The following ABHD18 variants were observed in gnomAD, a reference collection of about 807,000 sequenced individuals.
ABHD18 encodes the protein abhydrolase domain containing 18, also known as cardiolipin-specific deacylase, mitochondrial.
A neutral mutation model predicts 65.9 loss-of-function variants in ABHD18; 55 were observed. The observed-to-expected ratio is 0.84, with a 90% CI of 0.67 to 1.05. The LOEUF is 1.05. Among genes scored for constraint, ABHD18 ranks in the 50% least tolerant of loss-of-function variants. The probability of loss-of-function intolerance (pLI) is 0.00; values close to 1 mark genes in which losing one functional copy is unlikely to be tolerated. For missense variants in ABHD18, 533 were observed against 558.5 expected, an observed-to-expected ratio of 0.95 and a Z score of 0.46; for synonymous variants, 181 against 180.2, an observed-to-expected ratio of 1.00 and a Z score of -0.04.
intron 1 of ABHD18, among the ~76,000 whole-genome samples, chr4:127,976,109 C>T (rs1232346254): frequency 1.3e-5 from 2 of 152,124 alleles, no homozygotes; most frequent in East Asian, 3.8e-4. Flanking sequence ...TGAACCACCA[C>T]GTCTGGCCTG....
At chr4:127,966,208 A>AG (rs1281362742) in intron 1 of ABHD18, among the ~76,000 whole-genome samples, 8 of 152,322 alleles carry the variant, frequency 5.3e-5, no homozygotes, top group African/African-American at 1.9e-4. Context: ...CTTGTAGGCT[A>AG]GCTGGCGTCA....
intron 3 of ABHD18, among the ~76,000 whole-genome samples, chr4:127,989,466 T>C (rs1750552012): frequency 6.6e-6 from 1 of 152,178 alleles, no homozygotes; most frequent in Non-Finnish European, 1.5e-5. Flanking sequence ...CTTCAGGTGA[T>C]GGATACCCCA....
chr4:128,003,964 A>C (rs1262165665), intron 4 of ABHD18, among the ~76,000 whole-genome samples: 9 of 147,012 alleles, frequency 6.1e-5, no homozygotes, highest in Admixed American at 2.7e-4. Context: ...AAAAAAAAAC[A>C]AAAAAAAACC....
intron 8 of ABHD18, among the ~76,000 whole-genome samples, chr4:128,017,947 C>T (rs1755799788): frequency 1.3e-5 from 2 of 152,112 alleles, no homozygotes; most frequent in South Asian, 2.1e-4. Flanking sequence ...TAATCTTTGT[C>T]TTAACCATTT....
At chr4:128,031,279 C>A (rs1758167823) in intron 12 of ABHD18, 1 of 209,304 alleles carries the variant, frequency 4.8e-6, no homozygotes, top group Non-Finnish European at 8.2e-6. Context: ...ACGGTGAAAC[C>A]CCGTCTCTAG....
chr4:128,008,938 T>A lies in ABHD18; in HGVS notation c.297T>A (p.Pro99=). Residue 99 remains proline (P), a synonymous_variant, in exon 5 of 13, where the codon CCT becomes CCA. Coordinates refer to ENST00000645843, the MANE Select transcript of ABHD18 (RefSeq NM_001358451.3). The part of the protein sequence containing the change: ...SVIARFQFIV[P]KEWNSKYRPV... ...AAAATAGGTTCCAATTTATTGTGCC[T>A]AAAGAATGGAACAGCAAATATAGAC... 6.2e-7 allele frequency: 1 copy of A among 1,607,946 alleles called. No homozygotes were observed. The highest frequency in any genetic ancestry group is 8.5e-7 in the Non-Finnish European group (1 of 1,177,834).
rs376594185 is a variant in ABHD18 at position 128,011,763 on chromosome 4, T to G, written c.470+63T>G. On this transcript the variant is annotated intron_variant, in intron 7 of 12. Coordinates refer to ENST00000645843, the MANE Select transcript of ABHD18 (RefSeq NM_001358451.3). ...CCCAATATCCAGCAGTATTAAAATT[T>G]TGGTTGCCTTCAGTTAACCATTTCT... The G allele has an allele frequency of 1.4e-5, 19 of 1,334,020 alleles. 1 individual carries two copies. Among genetic ancestry groups the G allele is most frequent in the African/African-American group, 6.1e-5 (4 of 66,002 alleles). 82.6% of individuals were successfully genotyped at this position (1,334,020 alleles called of 1,614,324 possible). A position where few individuals can be genotyped will look rare whatever the true frequency, so the allele number is the denominator to read the frequency against.
At chr4:128,016,015 C>T (rs1485977412) in intron 7 of ABHD18, among the ~76,000 whole-genome samples, 1 of 147,444 alleles carries the variant, frequency 6.8e-6, no homozygotes, top group Non-Finnish European at 1.5e-5. Context: ...TGCAGTGGCG[C>T]AATCTCTGGC....
intron 4 of ABHD18, among the ~76,000 whole-genome samples, chr4:127,996,248 C>T (rs923523814): frequency 9.9e-5 from 15 of 152,106 alleles, no homozygotes; most frequent in Admixed American, 5.9e-4. Context: ...TCACTTTTAT[C>T]GGGGGAACCA....
At chr4:128,034,331 G>A (rs1339325891) in intron 12 of ABHD18, among the ~76,000 whole-genome samples, 2 of 152,126 alleles carry the variant, frequency 1.3e-5, no homozygotes, top group Non-Finnish European at 2.9e-5. Context: ...ATGGGATTAT[G>A]ATGTTTTCCC....
chr4:128,005,345 G>A (rs1045240439), intron 4 of ABHD18, among the ~76,000 whole-genome samples: 2 of 152,230 alleles, frequency 1.3e-5, no homozygotes, highest in African/African-American at 2.4e-5. Flanking sequence ...TTCATAGGTA[G>A]CTGGAATTGA....
chr4:128,039,262 T>G lies in ABHD18; in HGVS notation c.*3449T>G, dbSNP rs1211054413. On this transcript the variant is annotated 3_prime_UTR_variant, in exon 13 of 13. Coordinates refer to ENST00000645843, the MANE Select transcript of ABHD18 (RefSeq NM_001358451.3). ...ACTACATAAAATATTAGAAATTCAT[T>G]TAGACCAGATCTGTAAACTGGTAGT... 2 of 150,540 alleles carry G rather than the reference T, an allele frequency of 1.3e-5. No homozygotes were observed. The highest frequency in any genetic ancestry group is 3.0e-5 in the Non-Finnish European group (2 of 67,734). 9.3% of individuals were successfully genotyped at this position (150,540 alleles called of 1,614,324 possible).
At position 127,994,415 on chromosome 4, in the gene ABHD18, G is replaced by T. The variant is rs191278818; in HGVS notation, c.278+4594G>T. Among the ~76,000 whole-genome samples, 57 of 152,224 alleles carry T rather than the reference G, an allele frequency of 3.7e-4. No individual in the cohort carries two copies. In the East Asian group the frequency reaches 0.01, roughly 28 times the overall value. On this transcript the variant is annotated intron_variant, in intron 4 of 12. Coordinates refer to ENST00000645843, the MANE Select transcript of ABHD18 (RefSeq NM_001358451.3). ...GTTCGAGACCAGTCTGGCCAACATA[G>T]TGAAATCCTATCTCTACAAAAATTA...
chr4:127,990,382 G>A (rs1236427412), intron 4 of ABHD18, among the ~76,000 whole-genome samples: 1 of 152,090 alleles, frequency 6.6e-6, no homozygotes, highest in Non-Finnish European at 1.5e-5. Context: ...GGCCAACGTG[G>A]CGAAACCCCA....
At chr4:128,008,416 C>T (rs1312315772) in intron 4 of ABHD18, among the ~76,000 whole-genome samples, 1 of 151,298 alleles carries the variant, frequency 6.6e-6, no homozygotes, top group African/African-American at 2.4e-5. Context: ...GAATTACGGG[C>T]ATGTGCCACC....
chr4:128,008,808 G>A (rs897794571), intron 4 of ABHD18, 112 bp from the exon 5 acceptor site: 20 of 678,320 alleles, frequency 2.9e-5, no homozygotes, highest in Middle Eastern at 4.0e-4. Context: ...TTAAAATTTC[G>A]ACTGATCTTT....
rs762357742 is a variant in ABHD18, at chr4:128,008,917, T to G, written c.279-3T>G. 6.3e-7 allele frequency: 1 copy of G among 1,597,012 alleles called. No homozygotes were observed. The highest frequency in any genetic ancestry group is 8.5e-7 in the Non-Finnish European group (1 of 1,173,218). On this transcript the variant is annotated splice_region_variant and splice_polypyrimidine_tract_variant and intron_variant, in intron 4 of 12. Coordinates refer to ENST00000645843, the MANE Select transcript of ABHD18 (RefSeq NM_001358451.3). Reference sequence around the variant, plus strand: ...ATTGATAAGTCTATGCTTTTAAAAATAGGTTCCAATTTATTGTGCCTAAAG... The same window carrying G: ...ATTGATAAGTCTATGCTTTTAAAAAGAGGTTCCAATTTATTGTGCCTAAAG...
intron 1 of ABHD18, among the ~76,000 whole-genome samples, chr4:127,977,243 C>T (rs1014904708): frequency 1.3e-5 from 2 of 151,978 alleles, no homozygotes; most frequent in African/African-American, 4.8e-5. Context: ...GAGGCTGAGG[C>T]AGGTGGATCA....
intron 11 of ABHD18, among the ~76,000 whole-genome samples, chr4:128,029,295 G>A (rs1050019902): frequency 2.0e-5 from 3 of 152,170 alleles, no homozygotes; most frequent in African/African-American, 7.2e-5. Flanking sequence ...AGGAGTTGGA[G>A]GTTGCAGTGA....
Sources: allele counts gnomAD v4.1 joint callset (sites outside exome capture counted in the v4.1 genomes callset), GRCh38; gene constraint gnomAD v4.1.1; transcripts MANE v1.5; gene names NCBI Gene and HGNC (gene_info 2026-07-23, HGNC 2026-07-21).